The following ITGAV variants were observed in gnomAD, a reference collection of about 807,000 sequenced individuals.
ITGAV encodes the protein integrin alpha-V.
A neutral mutation model predicts 143.8 loss-of-function variants in ITGAV; 76 were observed. That is an observed-to-expected ratio of 0.53 (90% confidence interval 0.44 to 0.64). The LOEUF is 0.64. Ranked by LOEUF, ITGAV falls within the 30% of genes least tolerant of loss-of-function variation. The pLI is 0.00. For missense variants in ITGAV, 1,193 were observed against 1,274.7 expected (o/e 0.94, Z 0.98); for synonymous variants, 453 against 446.7 (o/e 1.01, Z -0.18).
intron 18 of ITGAV, chr2:186,660,392 G>A (rs1688713147): frequency 6.6e-6 from 1 of 152,014 alleles, no homozygotes; most frequent in Non-Finnish European, 1.5e-5. Flanking sequence ...TCTCCTCTGT[G>A]TCCTACATTT....
At chr2:186,670,745 G>A (rs1689041270) in intron 26 of ITGAV, among the ~76,000 whole-genome samples, 1 of 152,154 alleles carries the variant, frequency 6.6e-6, no homozygotes, top group Admixed American at 6.5e-5. Context: ...TAAATACCAT[G>A]TGGTGTAGAT....
At chr2:186,644,698 C>A (rs1688203914) in intron 12 of ITGAV, among the ~76,000 whole-genome samples, 1 of 151,814 alleles carries the variant, frequency 6.6e-6, no homozygotes, top group Admixed American at 6.6e-5. Flanking sequence ...TTAAGGATAA[C>A]AAATTCTTAG....
chr2:186,596,285 C>G (rs1481698516), intron 1 of ITGAV, among the ~76,000 whole-genome samples: 1 of 152,146 alleles, frequency 6.6e-6, no homozygotes, highest in African/African-American at 2.4e-5. Flanking sequence ...CAAACTGTTT[C>G]CATTAGATAG....
intron 5 of ITGAV, among the ~76,000 whole-genome samples, chr2:186,632,419 T>TG (rs3835763): frequency 0.24 from 36,388 of 151,900 alleles, 4,958 homozygotes; most frequent in East Asian, 0.65. Context: ...GACTTAGAAG[T>TG]TCTTTTACGT....
chr2:186,631,768 C>T (rs764291645), intron 5 of ITGAV, among the ~76,000 whole-genome samples: 40 of 152,176 alleles, frequency 2.6e-4, no homozygotes, highest in Non-Finnish European at 5.3e-4. Context: ...TGCAGTGGCT[C>T]ATGCCTGTAG....
At position 186,663,844 on chromosome 2, in the gene ITGAV, T is replaced by G. The variant is rs767801090; in HGVS notation, c.1925+9T>G. The G allele has an allele frequency of 6.3e-7, 1 of 1,587,396 alleles. No individual in the cohort carries two copies. The highest frequency in any genetic ancestry group is 1.7e-5 in the Admixed American group (1 of 59,868). The stretch of plus-strand genomic sequence containing the variant: ...GAAGTTTCTGTAGATAGGTAAGTTT[T>G]GCTTGAAATAATAATGTAGTAAGAA... On this transcript the variant is annotated intron_variant, in intron 19 of 29. Coordinates refer to ENST00000261023, the MANE Select transcript of ITGAV (RefSeq NM_002210.5).
At chr2:186,595,598 A>G (rs1364734025) in intron 1 of ITGAV, among the ~76,000 whole-genome samples, 1 of 151,596 alleles carries the variant, frequency 6.6e-6, no homozygotes, top group Non-Finnish European at 1.5e-5. Flanking sequence ...TCCCAAACTC[A>G]ATCCTTTATA....
intron 19 of ITGAV, 60 bp from the exon 20 acceptor site, chr2:186,664,434 G>C: frequency 1.3e-6 from 2 of 1,515,618 alleles, no homozygotes; most frequent in South Asian, 1.2e-5. Context: ...TCTTTGAACA[G>C]TCATACTTTC....
intron 23 of ITGAV, 101 bp downstream of exon 23, chr2:186,667,331 A>T (rs1688928596): frequency 3.5e-6 from 3 of 847,076 alleles, no homozygotes; most frequent in Non-Finnish European, 3.8e-6. Context: ...CTGCATGTTT[A>T]GTGGTGGTTT....
chr2:186,616,318 G>T (rs1215202094), intron 2 of ITGAV, among the ~76,000 whole-genome samples: 2 of 118,688 alleles, frequency 1.7e-5, no homozygotes, highest in Middle Eastern at 6.6e-3. Context: ...TCGCTCTGTC[G>T]CCCAGGCTGG....
chr2:186,612,811 T>C lies in ITGAV; in HGVS notation c.317-9528T>C, dbSNP rs144057375. Among the ~76,000 whole-genome samples, 269 of 152,276 alleles carry C rather than the reference T, an allele frequency of 1.8e-3. 1 individual carries two copies. Among genetic ancestry groups the C allele is most frequent in the African/African-American group, 6.2e-3 (257 of 41,556 alleles). On this transcript the variant is annotated intron_variant, in intron 2 of 29. Coordinates refer to ENST00000261023, the MANE Select transcript of ITGAV (RefSeq NM_002210.5). ...CTAGGTATCTCTACAGTTGCAACTG[T>C]CCTGTAAACTAAAAAGTTAAAAAGA... is the stretch of plus-strand genomic sequence containing the variant.
chr2:186,590,260 C>A lies in ITGAV; in HGVS notation c.-79C>A. 1 of 1,246,386 alleles carries A rather than the reference C, an allele frequency of 8.0e-7. No individual in the cohort carries two copies. The highest frequency in any genetic ancestry group is 1.0e-6 in the Non-Finnish European group (1 of 964,656). The allele number at this position is 1,246,386 out of a possible 1,614,324, so 77.2% of individuals were successfully genotyped here. ...AGTTTGGGCGCGCGCAGGCGGCGGG[C>A]CGCGGGCACTGGGCGCCTCGCTGGG... On this transcript the variant is annotated 5_prime_UTR_variant, in exon 1 of 30. Coordinates refer to ENST00000261023, the MANE Select transcript of ITGAV (RefSeq NM_002210.5).
At chr2:186,599,972 G>A (rs1377557091) in intron 1 of ITGAV, among the ~76,000 whole-genome samples, 1 of 152,092 alleles carries the variant, frequency 6.6e-6, no homozygotes, top group Non-Finnish European at 1.5e-5. Context: ...TGCTTTCCTT[G>A]TTCCATTTTT....
intron 1 of ITGAV, among the ~76,000 whole-genome samples, chr2:186,598,374 T>C (rs1172710205): frequency 6.7e-6 from 1 of 148,564 alleles, no homozygotes; most frequent in Non-Finnish European, 1.5e-5. Flanking sequence ...AAAGAACCGA[T>C]GGGGTTTTGA....
intron 21 of ITGAV, among the ~76,000 whole-genome samples, chr2:186,665,637 G>A (rs1032776568): frequency 1.3e-5 from 2 of 152,152 alleles, no homozygotes; most frequent in Non-Finnish European, 2.9e-5. Context: ...GTTAAATCAG[G>A]CTCCCCTTCA....
In ITGAV at chr2:186,644,665, T is replaced by A. The variant is rs115543252; in HGVS notation, c.1160-2021T>A. ...TTAAAAAAGGATAAAAAGAATACTT[T>A]TACATAAGTTAGGTACTCATTTTTA... is the stretch of plus-strand genomic sequence containing the variant. On this transcript the variant is annotated intron_variant, in intron 12 of 29. Transcript: ENST00000261023. Among the ~76,000 whole-genome samples, 147 of 152,240 alleles carry A rather than the reference T, an allele frequency of 9.7e-4. 1 individual carries two copies. The highest frequency in any genetic ancestry group is 3.1e-3 in the South Asian group (15 of 4,818).
intron 1 of ITGAV, among the ~76,000 whole-genome samples, chr2:186,594,600 A>G (rs1450717679): frequency 6.6e-6 from 1 of 152,160 alleles, no homozygotes; most frequent in Non-Finnish European, 1.5e-5. Context: ...TCTTTCTGTA[A>G]CATCCTTTTT....
intron 2 of ITGAV, among the ~76,000 whole-genome samples, chr2:186,606,996 A>G (rs1687086118): frequency 6.6e-6 from 1 of 151,852 alleles, no homozygotes. Flanking sequence ...ATCCCTCCTA[A>G]ACTTGATACT....
Position 186,665,694 on chromosome 2 carries a change from G to A in ITGAV, c.2166+476G>A, listed in dbSNP as rs61763154. Among the ~76,000 whole-genome samples the A allele has an allele frequency of 7.5e-3, 1,138 of 152,284 alleles. 8 individuals carry two copies. The highest frequency in any genetic ancestry group is 0.017 in the South Asian group (83 of 4,826). ...GGAGCTTGAAAAGAAGCAGCCAATGGCTTGCTTTCCGAATCCTCTAAAAAG... is the reference window on the plus strand; with the variant it reads ...GGAGCTTGAAAAGAAGCAGCCAATGACTTGCTTTCCGAATCCTCTAAAAAG... On this transcript the variant is annotated intron_variant, in intron 21 of 29. Transcript: ENST00000261023.
Sources: allele counts gnomAD v4.1 joint callset (sites outside exome capture counted in the v4.1 genomes callset), GRCh38; gene constraint gnomAD v4.1.1; transcripts MANE v1.5; gene names NCBI Gene and HGNC (gene_info 2026-07-23, HGNC 2026-07-21).